The following NCS1 variants were observed in gnomAD, a reference collection of about 807,000 sequenced individuals.
NCS1 encodes the protein neuronal calcium sensor 1.
Under a neutral mutation model 28.4 loss-of-function variants are expected in NCS1, and 6 were observed. That is an observed-to-expected ratio of 0.21 (90% CI 0.12 to 0.42). The LOEUF is 0.42. Among genes scored for constraint, NCS1 ranks in the 10% least tolerant of loss-of-function variants. The pLI is 1.00. For synonymous variants in NCS1, 86 were observed against 99.3 expected (o/e 0.87, Z 0.79); for missense variants, 131 against 241.4 (o/e 0.54, Z 3.03).
At chr9:130,194,302 G>C (rs1832850716) in intron 1 of NCS1, among the ~76,000 whole-genome samples, 1 of 152,228 alleles carries the variant, frequency 6.6e-6, no homozygotes, top group Non-Finnish European at 1.5e-5. Context: ...AGCTGGAGTA[G>C]AGGAGCTGGG....
chr9:130,181,158 G>T lies in NCS1; in HGVS notation c.64+8431G>T, dbSNP rs782585782. On this transcript the variant is annotated intron_variant, in intron 1 of 7. Transcript: ENST00000372398. The surrounding 1 kb of genome is among the most constrained non-coding windows in gnomAD (Gnocchi z 5.0). Reference sequence around the variant, plus strand: ...GAAGGTACGTCAGGGCCCCAGGGACGGAGTGTGCTTGGGCTGTGGTGTTCA... The same window carrying T: ...GAAGGTACGTCAGGGCCCCAGGGACTGAGTGTGCTTGGGCTGTGGTGTTCA... Among the ~76,000 whole-genome samples, 1 of 152,178 alleles carries T rather than the reference G, an allele frequency of 6.6e-6. No individual in the cohort carries two copies. The highest frequency in any genetic ancestry group is 1.5e-5 in the Non-Finnish European group (1 of 68,038).
In NCS1 at chr9:130,212,461, C is replaced by T. The variant is rs146822213; in HGVS notation, c.90-5371C>T. On this transcript the variant is annotated intron_variant, in intron 2 of 7. Transcript: ENST00000372398. ...GGCCTGCACGACAGCGACCTGGCCC[C>T]GAACGTCAGGAGTGCCGGGGTGGGG... 4.6e-3 allele frequency among the ~76,000 whole-genome samples: 693 copies of T among 149,500 alleles called. 3 individuals are homozygous for T. Among genetic ancestry groups the T allele is most frequent in the Middle Eastern group, 0.01 (3 of 294 alleles).
chr9:130,235,478 G>GGACCCCTTCGGT lies in NCS1; in HGVS notation c.*2508_*2519dup, dbSNP rs1833573122. The GGACCCCTTCGGT allele has an allele frequency of 6.6e-6, 1 of 152,668 alleles. No individual in the cohort carries two copies. Among genetic ancestry groups the GGACCCCTTCGGT allele is most frequent in the Admixed American group, 6.5e-5 (1 of 15,290 alleles). 9.5% of individuals were successfully genotyped at this position (152,668 alleles called of 1,614,324 possible). On this transcript the variant is annotated 3_prime_UTR_variant, in exon 8 of 8. Transcript: ENST00000372398. Reference sequence around the variant, plus strand: ...TGAGGGTGTCTGGGCTTAAGCATGTGGACCCCTTCGGTGTGTCCGGCCTTC... The same window carrying GGACCCCTTCGGT: ...TGAGGGTGTCTGGGCTTAAGCATGTGGACCCCTTCGGTGACCCCTTCGGTGTGTCCGGCCTTC...
rs1832634621 is a variant in NCS1, at chr9:130,180,070, C to T, written c.64+7343C>T. Among the ~76,000 whole-genome samples the T allele has an allele frequency of 1.3e-5, 2 of 151,728 alleles. No homozygotes were observed. Among genetic ancestry groups the T allele is most frequent in the South Asian group, 2.1e-4 (1 of 4,822 alleles). The stretch of plus-strand genomic sequence containing the variant: ...ATCTATCGAGATGGAATCTCACTTC[C>T]GTCACCCAGGCTAGAGTGCAGTGGC... On this transcript the variant is annotated intron_variant, in intron 1 of 7. Coordinates refer to ENST00000372398, the MANE Select transcript of NCS1 (RefSeq NM_014286.4). This position sits in a 1 kb window ranked among gnomAD's most constrained non-coding sequence, Gnocchi z 4.5.
At chr9:130,211,105 G>A (rs1437367516) in intron 2 of NCS1, among the ~76,000 whole-genome samples, 1 of 139,940 alleles carries the variant, frequency 7.1e-6, no homozygotes, top group Non-Finnish European at 1.5e-5. Flanking sequence ...CTCCTGCTTC[G>A]GCCTCCCAAA....
At position 130,181,958 on chromosome 9, in the gene NCS1, C is replaced by T. The variant is rs1162946055; in HGVS notation, c.64+9231C>T. Among the ~76,000 whole-genome samples, 1 of 151,968 alleles carries T rather than the reference C, an allele frequency of 6.6e-6. No homozygotes were observed. Among genetic ancestry groups the T allele is most frequent in the Non-Finnish European group, 1.5e-5 (1 of 67,950 alleles). On this transcript the variant is annotated intron_variant, in intron 1 of 7. Transcript: ENST00000372398. The surrounding 1 kb of genome is among the most constrained non-coding windows in gnomAD (Gnocchi z 5.0). ...GGGACGCTGGGGAGGGAGGCACAGA[C>T]AGGCCGGGAGCCGCGCCAAAGGCTG...
chr9:130,199,361 G>A (rs1206029701), intron 1 of NCS1, among the ~76,000 whole-genome samples: 1 of 152,216 alleles, frequency 6.6e-6, no homozygotes, highest in Non-Finnish European at 1.5e-5. Flanking sequence ...CCAAAGTGCT[G>A]GGATTACAGG....
Position 130,236,421 on chromosome 9 carries a change from G to GT in NCS1, c.*3450dup, listed in dbSNP as rs1409168607. 6.6e-6 allele frequency: 1 copy of GT among 152,168 alleles called. No homozygotes were observed. Among genetic ancestry groups the GT allele is most frequent in the Non-Finnish European group, 1.5e-5 (1 of 68,068 alleles). 9.4% of individuals were successfully genotyped at this position (152,168 alleles called of 1,614,324 possible). A position where few individuals can be genotyped will look rare whatever the true frequency, so the allele number is the denominator to read the frequency against. On this transcript the variant is annotated 3_prime_UTR_variant, in exon 8 of 8. Transcript: ENST00000372398. ...GGAGCGGGGAGGCGAGGAGGGGGCT[G>GT]TGAGTCCTCAGAGGCCCTGGGCCAC...
In NCS1 at chr9:130,219,448, A is replaced by G. The variant is rs1833238179; in HGVS notation, c.229-277A>G. Among the ~76,000 whole-genome samples the G allele has an allele frequency of 6.6e-6, 1 of 152,138 alleles. No individual in the cohort carries two copies. The highest frequency in any genetic ancestry group is 2.4e-5 in the African/African-American group (1 of 41,432). On this transcript the variant is annotated intron_variant, in intron 3 of 7. Coordinates refer to ENST00000372398, the MANE Select transcript of NCS1 (RefSeq NM_014286.4). This position sits in a 1 kb window ranked among gnomAD's most constrained non-coding sequence, Gnocchi z 5.7. ...GTGCTTCTGGCACCTTCTCCCATCAAGAGTGGAGTAAGCCTCTCCGTTCAG... is the reference window on the plus strand; with the variant it reads ...GTGCTTCTGGCACCTTCTCCCATCAGGAGTGGAGTAAGCCTCTCCGTTCAG...
chr9:130,173,221 T>C (rs1832515197), intron 1 of NCS1, among the ~76,000 whole-genome samples: 1 of 150,734 alleles, frequency 6.6e-6, no homozygotes, highest in Non-Finnish European at 1.5e-5. Flanking sequence ...TGGCGAGACT[T>C]GGCACAGCGC....
chr9:130,172,643 C>G lies in NCS1; in HGVS notation c.-21C>G, dbSNP rs1588104222. On this transcript the variant is annotated 5_prime_UTR_variant, in exon 1 of 8. Transcript: ENST00000372398. ...CCCAACCGGGTCCGGCCCGGGGGGG[C>G]GGGGGCCGCGGCCGCCGAGGATGGG... The G allele has an allele frequency of 7.0e-7, 1 of 1,427,370 alleles. No homozygotes were observed. Among genetic ancestry groups the G allele is most frequent in the Non-Finnish European group, 9.3e-7 (1 of 1,074,886 alleles). 88.4% of individuals were successfully genotyped at this position (1,427,370 alleles called of 1,614,324 possible).
At chr9:130,185,718 T>C (rs1165005702) in intron 1 of NCS1, among the ~76,000 whole-genome samples, 1 of 152,244 alleles carries the variant, frequency 6.6e-6, no homozygotes, top group Non-Finnish European at 1.5e-5. Flanking sequence ...TTCAAAAATA[T>C]ATGGTGTGTG....
At position 130,232,085 on chromosome 9, in the gene NCS1, T is replaced by C. The variant is rs1554912199; in HGVS notation, c.*18-905T>C. 6.6e-6 allele frequency among the ~76,000 whole-genome samples: 1 copy of C among 152,038 alleles called. No homozygotes were observed. Among genetic ancestry groups the C allele is most frequent in the African/African-American group, 2.4e-5 (1 of 41,382 alleles). On this transcript the variant is annotated intron_variant, in intron 7 of 7. Coordinates refer to ENST00000372398, the MANE Select transcript of NCS1 (RefSeq NM_014286.4). This position sits in a 1 kb window ranked among gnomAD's most constrained non-coding sequence, Gnocchi z 4.4. ...TCTGAGCCTCCCAAGCAGCTGGAAT[T>C]ATAGGTGTGCGCAGCCACGTCCGGC...
At chr9:130,231,958 G>T (rs1327138711) in intron 7 of NCS1, among the ~76,000 whole-genome samples, 1 of 150,088 alleles carries the variant, frequency 6.7e-6, no homozygotes, top group African/African-American at 2.4e-5. Flanking sequence ...TGTGGTTTTT[G>T]TTTTTTGAGA....
chr9:130,222,603 C>T, intron 4 of NCS1, 47 bp from the exon 5 acceptor site: 1 of 1,563,558 alleles, frequency 6.4e-7, no homozygotes, highest in Non-Finnish European at 8.8e-7. Flanking sequence ...AAGACCCCTC[C>T]CCACTGCCCC....
intron 1 of NCS1, among the ~76,000 whole-genome samples, chr9:130,198,557 G>A (rs782764214): frequency 1.3e-5 from 2 of 152,178 alleles, no homozygotes; most frequent in Non-Finnish European, 2.9e-5. Flanking sequence ...CCTGGCAAAG[G>A]GACCTCAGGT....
In NCS1 at chr9:130,172,789, C is replaced by T. The variant is rs1210905592; in HGVS notation, c.64+62C>T. ...CACCCCCACACCCACCGCCCCCGCC[C>T]CCGCCCCCCGGACCCGCGCGCTACC... is the stretch of plus-strand genomic sequence containing the variant. On this transcript the variant is annotated intron_variant, in intron 1 of 7. Transcript: ENST00000372398. The T allele has an allele frequency of 1.6e-5, 15 of 939,650 alleles. No individual in the cohort carries two copies. In the African/African-American group the frequency reaches 2.5e-4, roughly 16 times the overall value. 58.2% of individuals were successfully genotyped at this position (939,650 alleles called of 1,614,324 possible). A position where few individuals can be genotyped will look rare whatever the true frequency, so the allele number is the denominator to read the frequency against.
intron 1 of NCS1, among the ~76,000 whole-genome samples, chr9:130,199,044 G>A (rs1487157878): frequency 4.6e-5 from 7 of 151,880 alleles, no homozygotes; most frequent in Admixed American, 1.3e-4. Flanking sequence ...CTCCAGGCCC[G>A]GTGTTTCTGG....
intron 2 of NCS1, among the ~76,000 whole-genome samples, chr9:130,211,010 ATT>A (rs34425557): frequency 3.2e-5 from 3 of 92,386 alleles, no homozygotes; most frequent in African/African-American, 1.3e-4. Flanking sequence ...GGCTCCACTA[ATT>A]TTTTTTTTTT....
Sources: allele counts gnomAD v4.1 joint callset (sites outside exome capture counted in the v4.1 genomes callset), GRCh38; gene constraint gnomAD v4.1.1; non-coding constraint Gnocchi (gnomAD v3.1); transcripts MANE v1.5; gene names NCBI Gene and HGNC (gene_info 2026-07-23, HGNC 2026-07-21).